Variants in PXDNL observed in about 807,000 individuals in gnomAD.
PXDNL encodes probable oxidoreductase PXDNL.
A neutral mutation model predicts 150.8 loss-of-function variants in PXDNL; 145 were observed. That is an observed-to-expected ratio of 0.96 (90% confidence interval 0.84 to 1.10). The LOEUF is 1.10. Among genes scored for constraint, PXDNL ranks in the 50% least tolerant of loss-of-function variants. The probability of loss-of-function intolerance (pLI) is 0.00; values close to 1 mark genes in which losing one functional copy is unlikely to be tolerated. For synonymous variants in PXDNL, 757 were observed against 725.7 expected (o/e 1.04, Z -0.69); for missense variants, 2,087 against 1,873.9 (o/e 1.11, Z -2.10).
intron 1 of PXDNL, among the ~76,000 whole-genome samples, chr8:51,672,677 A>G (rs1367285463): frequency 6.6e-6 from 1 of 152,198 alleles, no homozygotes; most frequent in Non-Finnish European, 1.5e-5. Flanking sequence ...CAAATAACAT[A>G]TAAGTCTAGG....
In PXDNL at chr8:51,809,224, T is replaced by TCA. The variant is rs1475941065; in HGVS notation, c.119_120dup (p.Met41Ter). 6.2e-7 allele frequency: 1 copy of TCA among 1,613,542 alleles called. No homozygotes were observed. Among genetic ancestry groups the TCA allele is most frequent in the East Asian group, 2.2e-5 (1 of 44,866 alleles). On this transcript the variant is annotated frameshift_variant, in exon 1 of 23. Transcript: ENST00000356297. LOFTEE classifies it high-confidence loss of function. ...GGTACCTGAGGAATGTGGTCCAGCATCAAGTGCATGCAGCGGACGGTGCTC... is the reference window on the plus strand; with the variant it reads ...GGTACCTGAGGAATGTGGTCCAGCATCACAAGTGCATGCAGCGGACGGTGCTC...
At chr8:51,457,811 T>C (rs1218651648) in intron 8 of PXDNL, 144 bp from the exon 9 acceptor site, 2 of 560,856 alleles carry the variant, frequency 3.6e-6, no homozygotes, top group African/African-American at 3.9e-5. Flanking sequence ...ATTTTAATTA[T>C]TTCACTTTAA....
Position 51,413,150 on chromosome 8 carries a change from TGTGAAAACAAATGTCTTC to T in PXDNL, c.1886_1903del (p.Arg629_Ser634del), listed in dbSNP as rs1193194656. 6.5e-7 allele frequency: 1 copy of T among 1,541,756 alleles called. No individual in the cohort carries two copies. Among genetic ancestry groups the T allele is most frequent in the Non-Finnish European group, 9.0e-7 (1 of 1,114,932 alleles). On this transcript the variant is annotated inframe_deletion and splice_region_variant, in exon 15 of 23. Coordinates refer to ENST00000356297, the MANE Select transcript of PXDNL (RefSeq NM_144651.5). ...CAATCTGTGTAAAATAAATTCTTAC[TGTGAAAACAAATGTCTTC>T]GTGTGGAGTTAATTGCACTGTCAAC...
intron 2 of PXDNL, among the ~76,000 whole-genome samples, chr8:51,600,797 T>C (rs1813700147): frequency 1.5e-5 from 2 of 136,806 alleles, no homozygotes; most frequent in South Asian, 2.2e-4. Flanking sequence ...GTTTTGATAA[T>C]AAATTATATC....
intron 19 of PXDNL, among the ~76,000 whole-genome samples, chr8:51,361,955 A>G (rs1586034552): frequency 6.7e-6 from 1 of 149,862 alleles, no homozygotes; most frequent in Non-Finnish European, 1.5e-5. Flanking sequence ...AAAAAAAAAA[A>G]AAAAAAAAAA....
chr8:51,699,929 G>A (rs973666842), intron 1 of PXDNL, among the ~76,000 whole-genome samples: 3 of 152,000 alleles, frequency 2.0e-5, no homozygotes, highest in South Asian at 2.1e-4. Context: ...TACAATAGCC[G>A]CATCAAAGAC....
At chr8:51,453,309 A>C (rs1207159194) in intron 10 of PXDNL, among the ~76,000 whole-genome samples, 2 of 152,214 alleles carry the variant, frequency 1.3e-5, no homozygotes, top group African/African-American at 4.8e-5. Flanking sequence ...CTAATGGTTG[A>C]GTCTGACCTT....
chr8:51,478,135 C>T (rs1810523165), intron 6 of PXDNL, among the ~76,000 whole-genome samples: 1 of 151,830 alleles, frequency 6.6e-6, no homozygotes, highest in South Asian at 2.1e-4. Flanking sequence ...TAATTTAGAG[C>T]CATGAATATT....
intron 2 of PXDNL, among the ~76,000 whole-genome samples, chr8:51,597,740 G>A (rs1224048011): frequency 6.7e-6 from 1 of 148,492 alleles, no homozygotes; most frequent in East Asian, 2.0e-4. Context: ...TTGAGATGGA[G>A]TTTCACTCTT....
At chr8:51,762,479 G>C (rs1335239709) in intron 1 of PXDNL, among the ~76,000 whole-genome samples, 1 of 152,136 alleles carries the variant, frequency 6.6e-6, no homozygotes, top group Non-Finnish European at 1.5e-5. Flanking sequence ...TGCTATCTGA[G>C]AGCTTCCTCT....
chr8:51,519,042 T>G (rs1811602690), intron 4 of PXDNL, among the ~76,000 whole-genome samples: 1 of 152,194 alleles, frequency 6.6e-6, no homozygotes, highest in African/African-American at 2.4e-5. Context: ...GGAAATGGAT[T>G]TGGCCATTAG....
chr8:51,432,608 C>A (rs947106540), intron 12 of PXDNL, among the ~76,000 whole-genome samples: 2 of 152,166 alleles, frequency 1.3e-5, no homozygotes, highest in Non-Finnish European at 2.9e-5. Flanking sequence ...TTAACTTATA[C>A]TTTCTTGTCA....
At chr8:51,597,958 T>C (rs1296864369) in intron 2 of PXDNL, among the ~76,000 whole-genome samples, 1 of 152,080 alleles carries the variant, frequency 6.6e-6, no homozygotes, top group Non-Finnish European at 1.5e-5. Flanking sequence ...AGGTGATCCA[T>C]CTGCCTTGGC....
intron 4 of PXDNL, among the ~76,000 whole-genome samples, chr8:51,501,316 A>G (rs1452878739): frequency 6.6e-6 from 1 of 151,082 alleles, no homozygotes; most frequent in African/African-American, 2.5e-5. Context: ...AGACACTCTC[A>G]GCTTCACACA....
chr8:51,381,422 A>G (rs1807535407), intron 17 of PXDNL, among the ~76,000 whole-genome samples: 2 of 152,148 alleles, frequency 1.3e-5, no homozygotes, highest in South Asian at 4.1e-4. Context: ...ATAAGTAAAC[A>G]ATATTTTGTT....
intron 12 of PXDNL, among the ~76,000 whole-genome samples, chr8:51,442,663 A>C (rs1308752796): frequency 2.0e-5 from 3 of 151,994 alleles, no homozygotes; most frequent in Non-Finnish European, 4.4e-5. Context: ...TATGTTAATT[A>C]ATAAAATATA....
At chr8:51,725,161 A>C (rs1180190296) in intron 1 of PXDNL, among the ~76,000 whole-genome samples, 1 of 152,064 alleles carries the variant, frequency 6.6e-6, no homozygotes, top group African/African-American at 2.4e-5. Flanking sequence ...AGATCATTTT[A>C]TGGGTTTTCT....
At chr8:51,769,166 A>G (rs2129241013) in intron 1 of PXDNL, among the ~76,000 whole-genome samples, 1 of 152,370 alleles carries the variant, frequency 6.6e-6, no homozygotes, top group South Asian at 2.1e-4. Flanking sequence ...TATTTGAGTC[A>G]TATCAAAGTC....
At chr8:51,722,070 A>G (rs528468228) in intron 1 of PXDNL, 5 of 179,452 alleles carry the variant, frequency 2.8e-5, no homozygotes, top group African/African-American at 7.2e-5. Context: ...TCTACGGACC[A>G]CCTTCTTCCT....
Sources: gnomAD v4.1 joint callset for allele counts (sites outside exome capture counted in the v4.1 genomes callset) on GRCh38, gnomAD v4.1.1 for gene constraint, MANE v1.5 for transcripts, NCBI Gene and HGNC (gene_info 2026-07-23, HGNC 2026-07-21) for gene names.